The following PIK3CB variants were observed in gnomAD, a reference collection of about 807,000 sequenced individuals.
PIK3CB encodes phosphatidylinositol-4,5-bisphosphate 3-kinase catalytic subunit beta.
In PIK3CB, 39 loss-of-function variants were observed where a neutral mutation model predicts 136.8. That is an observed-to-expected ratio of 0.29 (90% CI 0.22 to 0.37). The LOEUF (loss-of-function observed/expected upper bound fraction) is 0.37. Ranked by LOEUF, PIK3CB falls within the 10% of genes least tolerant of loss-of-function variation. The pLI is 1.00. For synonymous variants in PIK3CB, 428 were observed against 436.6 expected (o/e 0.98, Z 0.25); for missense variants, 868 against 1,275.4 (o/e 0.68, Z 4.87).
At chr3:138,717,691 C>T (rs1000298060) in intron 8 of PIK3CB, among the ~76,000 whole-genome samples, 49 of 152,280 alleles carry the variant, frequency 3.2e-4, no homozygotes, top group African/African-American at 1.0e-3. Context: ...CCCTCCTCCC[C>T]GCTTCACCCT....
At chr3:138,695,363 A>G (rs1332200651) in intron 13 of PIK3CB, among the ~76,000 whole-genome samples, 3 of 152,188 alleles carry the variant, frequency 2.0e-5, no homozygotes, top group Non-Finnish European at 4.4e-5. Context: ...TTTTCTTTCA[A>G]TTGATTGCTC....
chr3:138,667,791 G>A (rs572929215), intron 19 of PIK3CB, among the ~76,000 whole-genome samples: 2 of 151,890 alleles, frequency 1.3e-5, no homozygotes, highest in Non-Finnish European at 2.9e-5. Context: ...TTTCATCCGG[G>A]CACGGTGGCT....
At chr3:138,726,896 A>G (rs2044850865) in intron 8 of PIK3CB, among the ~76,000 whole-genome samples, 1 of 152,094 alleles carries the variant, frequency 6.6e-6, no homozygotes, top group Admixed American at 6.6e-5. Context: ...CAAAAAAAAA[A>G]AAAAATTAGC....
At chr3:138,801,906 TG>T (rs2046180986) in intron 1 of PIK3CB, among the ~76,000 whole-genome samples, 2 of 145,052 alleles carry the variant, frequency 1.4e-5, no homozygotes, top group South Asian at 4.4e-4. Flanking sequence ...ATTAGCTGGG[TG>T]TGTTGGTGCA....
intron 19 of PIK3CB, 58 bp from the exon 20 acceptor site, chr3:138,665,261 G>C (rs2043384392): frequency 7.7e-7 from 1 of 1,293,912 alleles, no homozygotes; most frequent in Admixed American, 2.5e-5. Context: ...ACATTAATTT[G>C]GTAAGATTTT....
At chr3:138,687,120 A>G (rs989500908) in intron 16 of PIK3CB, among the ~76,000 whole-genome samples, 5 of 152,186 alleles carry the variant, frequency 3.3e-5, no homozygotes, top group African/African-American at 9.6e-5. Context: ...CCCCATGGAC[A>G]TAAGTCTAAT....
intron 5 of PIK3CB, among the ~76,000 whole-genome samples, chr3:138,739,673 GGCGGATCACTTAAGCTCAGGA>G (rs2045197148): frequency 1.3e-5 from 2 of 150,752 alleles, no homozygotes; most frequent in Non-Finnish European, 3.0e-5. Flanking sequence ...GGCCGAGGCG[GGCGGATCACTTAAGCTCAGGA>G]GCTCAAGACC....
intron 2 of PIK3CB, among the ~76,000 whole-genome samples, chr3:138,774,154 A>G (rs769124252): frequency 3.9e-5 from 6 of 152,242 alleles, no homozygotes; most frequent in African/African-American, 7.2e-5. Flanking sequence ...GTACAGTTCA[A>G]TGAATTTTTG....
intron 6 of PIK3CB, 147 bp from the exon 7 acceptor site, chr3:138,734,951 AATTTTTT>A: frequency 1.0e-5 from 3 of 296,716 alleles, no homozygotes; most frequent in Non-Finnish European, 1.2e-5. Flanking sequence ...AAAAAAAAAA[AATTTTTT>A]TTTTTTTTTT....
At chr3:138,707,525 T>C in intron 10 of PIK3CB, 1 of 1,264,998 alleles carries the variant, frequency 7.9e-7, no homozygotes, top group Non-Finnish European at 9.9e-7. Flanking sequence ...GAATGACTAC[T>C]TTACCTCTTA....
At chr3:138,816,774 G>T (rs1031802028) in intron 1 of PIK3CB, among the ~76,000 whole-genome samples, 4 of 152,116 alleles carry the variant, frequency 2.6e-5, no homozygotes, top group Non-Finnish European at 4.4e-5. Context: ...TCATTTGGGT[G>T]AGCAGATGAT....
intron 19 of PIK3CB, among the ~76,000 whole-genome samples, chr3:138,671,446 T>G (rs549709235): frequency 6.6e-6 from 1 of 152,218 alleles, no homozygotes; most frequent in African/African-American, 2.4e-5. Flanking sequence ...TTGCAGATAC[T>G]AAATCACATT....
intron 2 of PIK3CB, among the ~76,000 whole-genome samples, chr3:138,767,693 C>A: frequency 6.6e-6 from 1 of 152,294 alleles, no homozygotes. Context: ...GCTGCTGCAG[C>A]AGGGCAGGCA....
intron 11 of PIK3CB, among the ~76,000 whole-genome samples, chr3:138,705,166 AAAAAAAACAAAAAACAAAAC>A (rs1311814129): frequency 3.1e-5 from 3 of 97,824 alleles, no homozygotes; most frequent in African/African-American, 1.2e-4. Flanking sequence ...AAAAAAAAAA[AAAAAAAACAAAAAACAAAAC>A]AAACAAAAAA....
At chr3:138,815,368 A>AAAAAAAAAAAAAAAAAAAAC in intron 1 of PIK3CB, among the ~76,000 whole-genome samples, 1 of 105,906 alleles carries the variant, frequency 9.4e-6, no homozygotes, top group Non-Finnish European at 1.9e-5. Flanking sequence ...AAAAAAAAAA[A>AAAAAAAAAAAAAAAAAAAAC]AAAAAAACTA....
intron 1 of PIK3CB, among the ~76,000 whole-genome samples, chr3:138,814,347 G>A (rs1933204158): frequency 6.6e-6 from 1 of 151,808 alleles, no homozygotes; most frequent in Admixed American, 6.6e-5. Context: ...GTGTGGTGGT[G>A]GGCGCCTATA....
intron 19 of PIK3CB, among the ~76,000 whole-genome samples, chr3:138,669,800 C>T (rs2043496422): frequency 1.3e-5 from 2 of 152,058 alleles, no homozygotes; most frequent in African/African-American, 2.4e-5. Flanking sequence ...ACAGAAGGTA[C>T]CTCAAGATTT....
chr3:138,692,332 A>G, intron 14 of PIK3CB, among the ~76,000 whole-genome samples: 1 of 152,152 alleles, frequency 6.6e-6, no homozygotes, highest in Non-Finnish European at 1.5e-5. Flanking sequence ...CAATAGAAAA[A>G]CCACCAGAAT....
chr3:138,788,980 AAAAAAAAAAAAAC>A (rs2046016521), intron 2 of PIK3CB, among the ~76,000 whole-genome samples: 4 of 145,052 alleles, frequency 2.8e-5, no homozygotes, highest in Admixed American at 1.4e-4. Context: ...AAAAAAAAAA[AAAAAAAAAAAAAC>A]AAAAAACAAC....
Sources: allele counts gnomAD v4.1 joint callset (sites outside exome capture counted in the v4.1 genomes callset), GRCh38; gene constraint gnomAD v4.1.1; transcripts MANE v1.5; gene names NCBI Gene and HGNC (gene_info 2026-07-23, HGNC 2026-07-21).